ARHGAP44: variants seen among roughly 807,000 people sequenced by gnomAD.
ARHGAP44 encodes rho GTPase-activating protein 44.
ARHGAP44 carries 43 observed loss-of-function variants against 106.8 expected under a neutral mutation model. That is an observed-to-expected ratio of 0.40 (90% CI 0.32 to 0.52). The LOEUF (loss-of-function observed/expected upper bound fraction) is 0.52. ARHGAP44 is among the 20% of genes least tolerant of loss of function. The pLI is 0.48. For synonymous variants in ARHGAP44, 439 were observed against 410.3 expected (o/e 1.07, Z -0.85); for missense variants, 866 against 1,050.5 (o/e 0.82, Z 2.43).
intron 1 of ARHGAP44, among the ~76,000 whole-genome samples, chr17:12,818,094 A>T (rs538094090): frequency 4.6e-4 from 70 of 152,130 alleles, no homozygotes; most frequent in African/African-American, 1.7e-3. Context: ...GATGTAAAAA[A>T]TCTTCACAAA....
At chr17:12,938,551 AC>A (rs1388420444) in intron 7 of ARHGAP44, among the ~76,000 whole-genome samples, 1 of 148,406 alleles carries the variant, frequency 6.7e-6, no homozygotes, top group African/African-American at 2.5e-5. Context: ...CAATTCATGA[AC>A]AGTTCTGGGA....
intron 20 of ARHGAP44, 151 bp downstream of exon 20, chr17:12,985,059 T>A: frequency 1.0e-6 from 1 of 994,476 alleles, no homozygotes; most frequent in Non-Finnish European, 1.4e-6. Context: ...AAGATCTCCT[T>A]AGAAGCCCAC....
At chr17:12,921,313 C>T (rs1162968658) in intron 6 of ARHGAP44, among the ~76,000 whole-genome samples, 1 of 151,904 alleles carries the variant, frequency 6.6e-6, no homozygotes, top group Non-Finnish European at 1.5e-5. Context: ...GTGATCTGCC[C>T]ACCTCAGCCT....
chr17:12,879,683 G>GTGTATA (rs1555550538), intron 1 of ARHGAP44, among the ~76,000 whole-genome samples: 4 of 113,334 alleles, frequency 3.5e-5, no homozygotes, highest in Admixed American at 1.0e-4. Flanking sequence ...GTGTGTATGT[G>GTGTATA]TATATATATA....
At chr17:12,972,319 G>A (rs571276507) in intron 16 of ARHGAP44, among the ~76,000 whole-genome samples, 2 of 152,258 alleles carry the variant, frequency 1.3e-5, no homozygotes, top group East Asian at 3.9e-4. Flanking sequence ...CAGAGGAAAG[G>A]GAACTAACCA....
At chr17:12,854,958 CAAAAAAAAAA>C (rs1182512832) in intron 1 of ARHGAP44, among the ~76,000 whole-genome samples, 5 of 50,946 alleles carry the variant, frequency 9.8e-5, no homozygotes, top group African/African-American at 2.7e-4. Flanking sequence ...AACTCTGTCT[CAAAAAAAAAA>C]AAAAAAAAAA....
chr17:12,799,645 G>A (rs918242074), intron 1 of ARHGAP44, among the ~76,000 whole-genome samples: 2 of 152,100 alleles, frequency 1.3e-5, no homozygotes, highest in African/African-American at 4.8e-5. Context: ...GCTCATGACT[G>A]TCTTTTGAAT....
At chr17:12,822,276 G>T (rs1360459970) in intron 1 of ARHGAP44, among the ~76,000 whole-genome samples, 2 of 152,152 alleles carry the variant, frequency 1.3e-5, no homozygotes, top group Non-Finnish European at 2.9e-5. Context: ...TGAATTTCAT[G>T]TAATTTTCAT....
intron 6 of ARHGAP44, 147 bp downstream of exon 6, chr17:12,919,978 T>G: frequency 1.6e-6 from 1 of 639,724 alleles, no homozygotes; most frequent in East Asian, 2.8e-5. Context: ...GTAGTCACAG[T>G]GAACTCGAGA....
At position 12,990,459 on chromosome 17, in the gene ARHGAP44, A is replaced by T. The variant is rs963493659; in HGVS notation, c.*288A>T. The stretch of plus-strand genomic sequence containing the variant: ...ACTTTCAGCCTCCATGCCAGAAAAC[A>T]CCCACCTCTCCATCCAAGGCTGGTC... On this transcript the variant is annotated 3_prime_UTR_variant, in exon 21 of 21. Coordinates refer to ENST00000379672, the MANE Select transcript of ARHGAP44 (RefSeq NM_014859.6). The T allele has an allele frequency of 2.0e-5, 7 of 347,048 alleles. 1 individual carries two copies. The highest frequency in any genetic ancestry group is 9.9e-5 in the South Asian group (3 of 30,338). The allele number at this position is 347,048 out of a possible 1,614,324, so 21.5% of individuals were successfully genotyped here.
rs560093429 is a variant in ARHGAP44 at position 12,803,263 on chromosome 17, C to T, written c.53+13372C>T. ...CTGGGATTACAAGCGTGAGCTACCG[C>T]GCCCAGCCAATTTTTGTATTTTTAC... is the stretch of plus-strand genomic sequence containing the variant. On this transcript the variant is annotated intron_variant, in intron 1 of 20. Transcript: ENST00000379672. Among the ~76,000 whole-genome samples the T allele has an allele frequency of 4.0e-5, 6 of 151,796 alleles. No individual in the cohort carries two copies. In the South Asian group the frequency reaches 6.3e-4, roughly 16 times the overall value.
Position 12,977,489 on chromosome 17 carries a change from G to A in ARHGAP44, c.1764-2569G>A, listed in dbSNP as rs549847187. On this transcript the variant is annotated intron_variant, in intron 18 of 20. Transcript: ENST00000379672. The stretch of plus-strand genomic sequence containing the variant: ...CCCTGGCTCTGTCCAGCCAGGCTCT[G>A]CCTCCACATCCCGCCCAACTGCTTA... Among the ~76,000 whole-genome samples the A allele has an allele frequency of 6.6e-5, 10 of 152,202 alleles. No individual in the cohort carries two copies. The East Asian group carries it at 1.9e-3, about 30-fold the overall frequency.
intron 1 of ARHGAP44, chr17:12,790,401 C>CTTTCCTG (rs1362894044): frequency 6.5e-6 from 1 of 153,910 alleles, no homozygotes; most frequent in African/African-American, 2.4e-5. Context: ...TATGACTGTA[C>CTTTCCTG]GAGATTCTGG....
intron 1 of ARHGAP44, among the ~76,000 whole-genome samples, chr17:12,885,509 T>C (rs900940441): frequency 6.6e-6 from 1 of 151,240 alleles, no homozygotes; most frequent in Non-Finnish European, 1.5e-5. Flanking sequence ...TTATTCCATA[T>C]GGTCAAGAAC....
intron 1 of ARHGAP44, among the ~76,000 whole-genome samples, chr17:12,892,961 T>C (rs1457672868): frequency 4.6e-5 from 7 of 152,202 alleles, no homozygotes; most frequent in Admixed American, 3.3e-4. Flanking sequence ...TGGAATCTAT[T>C]GTCTTTTTTT....
At chr17:12,914,799 G>A (rs368974253) in intron 4 of ARHGAP44, among the ~76,000 whole-genome samples, 752 of 122,872 alleles carry the variant, frequency 6.1e-3, no homozygotes, top group Non-Finnish European at 8.2e-3. Context: ...TCCATCTCAA[G>A]AAAAAAAAAA....
At chr17:12,860,144 G>A (rs77613824) in intron 1 of ARHGAP44, among the ~76,000 whole-genome samples, 2,883 of 152,202 alleles carry the variant, frequency 0.019, 97 homozygotes, top group African/African-American at 0.067. Flanking sequence ...TCCTGGGAGG[G>A]GCAGTTTCTT....
intron 3 of ARHGAP44, among the ~76,000 whole-genome samples, chr17:12,903,325 AGTCT>A (rs2037452411): frequency 6.6e-6 from 1 of 152,154 alleles, no homozygotes; most frequent in African/African-American, 2.4e-5. Context: ...ACTCTGGGAC[AGTCT>A]GTCTTTCCTT....
At chr17:12,791,098 C>G (rs1410632958) in intron 1 of ARHGAP44, among the ~76,000 whole-genome samples, 1 of 152,096 alleles carries the variant, frequency 6.6e-6, no homozygotes, top group African/African-American at 2.4e-5. Context: ...AGCATACTGC[C>G]CTAGTTACAG....
Sources: allele counts gnomAD v4.1 joint callset (sites outside exome capture counted in the v4.1 genomes callset), GRCh38; gene constraint gnomAD v4.1.1; transcripts MANE v1.5; gene names NCBI Gene and HGNC (gene_info 2026-07-23, HGNC 2026-07-21).